AFF3: variants seen among roughly 807,000 people sequenced by gnomAD.
The protein encoded by AFF3 is AF4/FMR2 family member 3.
In AFF3, 32 loss-of-function variants were observed where a neutral mutation model predicts 129.7. That is an observed-to-expected ratio of 0.25 (90% CI 0.19 to 0.33). The LOEUF (loss-of-function observed/expected upper bound fraction) is 0.33. Ranked by LOEUF, AFF3 falls within the 10% of genes least tolerant of loss-of-function variation. AFF3 has a pLI of 1.00. For synonymous variants in AFF3, 644 were observed against 635.4 expected, an observed-to-expected ratio of 1.01 and a Z score of -0.20; for missense variants, 1,373 against 1,592.0, an observed-to-expected ratio of 0.86 and a Z score of 2.34.
At chr2:99,607,745 C>T (rs1680516474) in intron 13 of AFF3, among the ~76,000 whole-genome samples, 1 of 152,230 alleles carries the variant, frequency 6.6e-6, no homozygotes, top group African/African-American at 2.4e-5. Flanking sequence ...ATGCTGTGGG[C>T]ACTCCACTGG....
intron 10 of AFF3, among the ~76,000 whole-genome samples, chr2:99,730,658 G>A (rs752134880): frequency 2.0e-5 from 3 of 150,894 alleles, no homozygotes; most frequent in Non-Finnish European, 4.4e-5. Flanking sequence ...GGGACTACAG[G>A]TGCCTGCCAC....
chr2:99,650,014 T>C (rs542511144), intron 12 of AFF3, among the ~76,000 whole-genome samples: 1 of 152,202 alleles, frequency 6.6e-6, no homozygotes, highest in East Asian at 1.9e-4. Flanking sequence ...TGCTTTATTG[T>C]CCTTTCCTAT....
chr2:100,001,182 C>G (rs969325003), intron 7 of AFF3, among the ~76,000 whole-genome samples: 1 of 152,184 alleles, frequency 6.6e-6, no homozygotes, highest in Non-Finnish European at 1.5e-5. Context: ...AATAATCTCC[C>G]TCCAGGTCCC....
At chr2:99,562,294 A>C (rs1408696543) in intron 20 of AFF3, among the ~76,000 whole-genome samples, 1 of 152,100 alleles carries the variant, frequency 6.6e-6, no homozygotes, top group African/African-American at 2.4e-5. Flanking sequence ...TCCATGACAC[A>C]AATGTTGGAT....
intron 8 of AFF3, among the ~76,000 whole-genome samples, chr2:99,817,144 C>A (rs1430420823): frequency 6.6e-6 from 1 of 152,192 alleles, no homozygotes; most frequent in African/African-American, 2.4e-5. Flanking sequence ...TGCTGTTCAA[C>A]TTCCTCGGTC....
At chr2:99,822,912 A>T (rs1449669889) in intron 8 of AFF3, among the ~76,000 whole-genome samples, 2 of 152,204 alleles carry the variant, frequency 1.3e-5, no homozygotes, top group African/African-American at 4.8e-5. Flanking sequence ...TTAAAAAGTC[A>T]GAATGATAAA....
intron 4 of AFF3, among the ~76,000 whole-genome samples, chr2:100,066,909 C>T (rs114413690): frequency 3.3e-5 from 5 of 152,120 alleles, no homozygotes; most frequent in Non-Finnish European, 5.9e-5. Context: ...AGGAGAACTG[C>T]GCAATACTGT....
intron 11 of AFF3, among the ~76,000 whole-genome samples, chr2:99,687,831 A>ATATT (rs1675218556): frequency 6.6e-6 from 1 of 152,128 alleles, no homozygotes; most frequent in Admixed American, 6.5e-5. Context: ...CAATGAATAC[A>ATATT]CCTATATTGC....
At position 99,554,692 on chromosome 2, in the gene AFF3, GC is replaced by G; in HGVS notation, c.3325del (p.Ala1109ProfsTer155). On this transcript the variant is annotated frameshift_variant, in exon 23 of 25. Coordinates refer to ENST00000672756, the MANE Select transcript of AFF3 (RefSeq NM_001386135.1). LOFTEE classifies it high-confidence loss of function. ...KAAQAPSPWGASGKSTGTPSP... is the reference protein window; with the variant it reads ...KAAQAPSPWGXSGKSTGTPSP... The stretch of plus-strand genomic sequence containing the variant: ...GGAAAAGCGAACTTACTTTCCACTG[GC>G]CCCCCACGGAGATGGGGCTTGGGCG... 1.2e-6 allele frequency: 2 copies of G among 1,614,124 alleles called. No homozygotes were observed. The highest frequency in any genetic ancestry group is 8.5e-7 in the Non-Finnish European group (1 of 1,180,026).
At chr2:100,038,260 C>G (rs1685138141) in intron 4 of AFF3, among the ~76,000 whole-genome samples, 1 of 152,030 alleles carries the variant, frequency 6.6e-6, no homozygotes, top group African/African-American at 2.4e-5. Context: ...AAGTCGCTGT[C>G]TGGTCTTACT....
At chr2:99,893,739 C>T (rs1693739186) in intron 7 of AFF3, among the ~76,000 whole-genome samples, 1 of 152,176 alleles carries the variant, frequency 6.6e-6, no homozygotes, top group South Asian at 2.1e-4. Context: ...CATCAACTAA[C>T]ACTATTTGAT....
chr2:99,605,025 A>G (rs972479926), intron 13 of AFF3, among the ~76,000 whole-genome samples: 1 of 152,194 alleles, frequency 6.6e-6, no homozygotes, highest in Non-Finnish European at 1.5e-5. Flanking sequence ...TCTTTTGAAA[A>G]CTGGCACTTT....
intron 11 of AFF3, among the ~76,000 whole-genome samples, chr2:99,676,982 T>G (rs1432713329): frequency 2.0e-5 from 3 of 152,144 alleles, no homozygotes; most frequent in African/African-American, 4.8e-5. Flanking sequence ...AAAATTGAAC[T>G]TTTTGGCTGC....
At chr2:100,049,060 T>G (rs997770267) in intron 4 of AFF3, among the ~76,000 whole-genome samples, 4 of 152,172 alleles carry the variant, frequency 2.6e-5, no homozygotes, top group Non-Finnish European at 5.9e-5. Context: ...AAATAACCAA[T>G]TCAGGCAAAG....
chr2:99,831,586 C>T (rs184996581), intron 8 of AFF3, among the ~76,000 whole-genome samples: 1 of 131,244 alleles, frequency 7.6e-6, no homozygotes, highest in Non-Finnish European at 1.7e-5. Flanking sequence ...CAACTCTGTA[C>T]AATTAAAAAA....
chr2:99,862,936 C>T (rs1373116553), intron 7 of AFF3, among the ~76,000 whole-genome samples: 4 of 152,224 alleles, frequency 2.6e-5, no homozygotes, highest in Admixed American at 6.5e-5. Flanking sequence ...TCTAATGATG[C>T]TATCTTGGCA....
intron 7 of AFF3, among the ~76,000 whole-genome samples, chr2:99,877,094 A>G (rs892265874): frequency 2.6e-5 from 4 of 152,212 alleles, no homozygotes; most frequent in African/African-American, 7.2e-5. Flanking sequence ...TTTCCAGGAC[A>G]GTGAGGAATA....
intron 7 of AFF3, among the ~76,000 whole-genome samples, chr2:99,969,368 A>G (rs1306106641): frequency 2.0e-5 from 3 of 152,196 alleles, no homozygotes; most frequent in Non-Finnish European, 2.9e-5. Context: ...GGGATGGAGT[A>G]AACTCCTTTG....
intron 8 of AFF3, among the ~76,000 whole-genome samples, chr2:99,819,334 C>T (rs1219679419): frequency 1.3e-5 from 2 of 152,178 alleles, no homozygotes; most frequent in African/African-American, 4.8e-5. Context: ...AATCTTTTAG[C>T]AAAGCAATTG....
Sources: gnomAD v4.1 joint callset for allele counts (sites outside exome capture counted in the v4.1 genomes callset) on GRCh38, gnomAD v4.1.1 for gene constraint, MANE v1.5 for transcripts, NCBI Gene and HGNC (gene_info 2026-07-23, HGNC 2026-07-21) for gene names.